The following ADAM10 variants were observed in gnomAD, a reference collection of about 807,000 sequenced individuals.
ADAM10 encodes ADAM metallopeptidase domain 10.
Under a neutral mutation model 90.1 loss-of-function variants are expected in ADAM10, and 17 were observed. The ratio of observed to expected loss-of-function variants is 0.19; its 90% CI spans 0.13 to 0.28. ADAM10 has a LOEUF of 0.28. ADAM10 is among the 10% of genes least tolerant of loss of function. The pLI, the probability that ADAM10 is intolerant of heterozygous loss-of-function variation, is 1.00. For missense variants in ADAM10, 610 were observed against 914.3 expected, an observed-to-expected ratio of 0.67 and a Z score of 4.29; for synonymous variants, 310 against 298.6, an observed-to-expected ratio of 1.04 and a Z score of -0.40.
chr15:58,654,431 G>A (rs1313166957), intron 5 of ADAM10, among the ~76,000 whole-genome samples: 2 of 152,158 alleles, frequency 1.3e-5, no homozygotes. Context: ...CCAGGCTGCA[G>A]TAAAGTGGCA....
intron 1 of ADAM10, among the ~76,000 whole-genome samples, chr15:58,736,481 T>C (rs1458582078): frequency 6.6e-6 from 1 of 152,120 alleles, no homozygotes; most frequent in Admixed American, 6.6e-5. Context: ...CCATGGGAAA[T>C]TTGAACATCT....
intron 2 of ADAM10, chr15:58,691,229 G>T: frequency 1.2e-6 from 1 of 866,814 alleles, no homozygotes; most frequent in Non-Finnish European, 2.0e-6. Flanking sequence ...ACTTTACGTT[G>T]CTCTCCTCCA....
In ADAM10 at chr15:58,693,260, C is replaced by T. The variant is rs568864755; in HGVS notation, c.207-10946G>A. 6.7e-4 allele frequency: 376 copies of T among 561,606 alleles called. 2 individuals are homozygous for T. Among genetic ancestry groups the T allele is most frequent in the South Asian group, 2.4e-3 (140 of 57,480 alleles). The allele number at this position is 561,606 out of a possible 1,614,324, so 34.8% of individuals were successfully genotyped here. On this transcript the variant is annotated intron_variant, in intron 2 of 15. Coordinates refer to ENST00000260408, the MANE Select transcript of ADAM10 (RefSeq NM_001110.4). The stretch of plus-strand genomic sequence containing the variant: ...GTGGGCTGAGTGTCCAAAATGCACA[C>T]GGCACCAAGGCTGCACAGGGGTGAC...
intron 2 of ADAM10, among the ~76,000 whole-genome samples, chr15:58,717,108 C>T (rs1161524551): frequency 6.6e-6 from 1 of 151,914 alleles, no homozygotes; most frequent in African/African-American, 2.4e-5. Flanking sequence ...CCCTTGACTC[C>T]CCTTTATCAC....
intron 2 of ADAM10, among the ~76,000 whole-genome samples, chr15:58,688,859 C>A (rs1371207440): frequency 4.3e-5 from 6 of 139,298 alleles, no homozygotes; most frequent in African/African-American, 1.6e-4. Context: ...AACTTGAAGA[C>A]AGGGTAACAA....
intron 1 of ADAM10, chr15:58,749,024 C>A: frequency 2.5e-6 from 1 of 399,250 alleles, no homozygotes; most frequent in South Asian, 1.3e-4. Context: ...CGGAATCCGC[C>A]ACCGGGCAGG....
At chr15:58,648,570 T>C (rs1427887945) in intron 5 of ADAM10, among the ~76,000 whole-genome samples, 2 of 152,050 alleles carry the variant, frequency 1.3e-5, no homozygotes, top group Non-Finnish European at 2.9e-5. Flanking sequence ...CAGTCTGAAA[T>C]ATGAAAAAGT....
intron 10 of ADAM10, among the ~76,000 whole-genome samples, chr15:58,626,356 C>A (rs551758586): frequency 6.6e-6 from 1 of 152,074 alleles, no homozygotes; most frequent in Non-Finnish European, 1.5e-5. Context: ...AAATCCCATG[C>A]TTATCTGGAA....
At chr15:58,628,621 A>G (rs749761183) in intron 9 of ADAM10, among the ~76,000 whole-genome samples, 5 of 152,180 alleles carry the variant, frequency 3.3e-5, no homozygotes, top group Non-Finnish European at 7.4e-5. Flanking sequence ...ACCAAGCAAC[A>G]GAACACTACT....
At chr15:58,740,398 G>C (rs1899569130) in intron 1 of ADAM10, among the ~76,000 whole-genome samples, 1 of 146,834 alleles carries the variant, frequency 6.8e-6, no homozygotes, top group Non-Finnish European at 1.5e-5. Context: ...ATCAGCGCGA[G>C]ACTCTGTCTC....
intron 1 of ADAM10, among the ~76,000 whole-genome samples, chr15:58,731,196 G>GA (rs1471702736): frequency 2.0e-5 from 3 of 151,950 alleles, no homozygotes; most frequent in South Asian, 4.2e-4. Context: ...TACTGAAGGG[G>GA]AAAAAAAATC....
chr15:58,652,661 A>G (rs186143167), intron 5 of ADAM10, among the ~76,000 whole-genome samples: 1 of 152,274 alleles, frequency 6.6e-6, no homozygotes, highest in East Asian at 1.9e-4. Flanking sequence ...ATCTGAAGTC[A>G]GGTAATATGA....
chr15:58,676,208 G>A (rs1399344277), intron 4 of ADAM10: 2 of 436,376 alleles, frequency 4.6e-6, no homozygotes, highest in African/African-American at 2.0e-5. Flanking sequence ...TTTCTTCCAT[G>A]AGTGAAGCAG....
intron 1 of ADAM10, among the ~76,000 whole-genome samples, chr15:58,735,585 T>C (rs1466111925): frequency 6.6e-6 from 1 of 152,102 alleles, no homozygotes; most frequent in Admixed American, 6.6e-5. Context: ...ACAATGTAAA[T>C]CCTATATAAA....
At chr15:58,723,387 G>T (rs1430282881) in intron 1 of ADAM10, among the ~76,000 whole-genome samples, 1 of 151,974 alleles carries the variant, frequency 6.6e-6, no homozygotes, top group African/African-American at 2.4e-5. Flanking sequence ...AGAAAGAAAA[G>T]AAAAAAGAAA....
intron 14 of ADAM10, among the ~76,000 whole-genome samples, 175 bp from the exon 15 acceptor site, chr15:58,599,899 TA>T (rs1283104523): frequency 4.6e-5 from 7 of 151,870 alleles, no homozygotes; most frequent in South Asian, 2.1e-4. Context: ...TATTTAAATA[TA>T]AAAAAAAGTT....
At chr15:58,620,061 T>C (rs945601589) in intron 11 of ADAM10, among the ~76,000 whole-genome samples, 23 of 152,120 alleles carry the variant, frequency 1.5e-4, no homozygotes, top group African/African-American at 4.1e-4. Context: ...GATTTAATAT[T>C]AGGCAATTTA....
intron 9 of ADAM10, among the ~76,000 whole-genome samples, chr15:58,629,006 T>C (rs1406684087): frequency 6.6e-6 from 1 of 152,238 alleles, no homozygotes; most frequent in African/African-American, 2.4e-5. Context: ...CAATATTATC[T>C]TGCTTTATGT....
intron 4 of ADAM10, among the ~76,000 whole-genome samples, chr15:58,676,545 A>C (rs200202761): frequency 6.6e-6 from 1 of 152,218 alleles, no homozygotes; most frequent in East Asian, 1.9e-4. Flanking sequence ...ATGAAAACTA[A>C]GGGTAGCTTC....
Sources: gnomAD v4.1 joint callset for allele counts (sites outside exome capture counted in the v4.1 genomes callset) on GRCh38, gnomAD v4.1.1 for gene constraint, MANE v1.5 for transcripts, NCBI Gene and HGNC (gene_info 2026-07-23, HGNC 2026-07-21) for gene names.